The following ERBB4 variants were observed in gnomAD, a reference collection of about 807,000 sequenced individuals.
ERBB4 encodes receptor tyrosine-protein kinase erbB-4.
A neutral mutation model predicts 158.0 loss-of-function variants in ERBB4; 42 were observed. That is an observed-to-expected ratio of 0.27 (90% CI 0.21 to 0.34). ERBB4 has a LOEUF of 0.34. Ranked by LOEUF, ERBB4 falls within the 10% of genes least tolerant of loss-of-function variation. The probability of loss-of-function intolerance (pLI) is 1.00; values close to 1 mark genes in which losing one functional copy is unlikely to be tolerated. For missense variants in ERBB4, 1,333 were observed against 1,624.1 expected, an observed-to-expected ratio of 0.82 and a Z score of 3.08; for synonymous variants, 583 against 558.7, an observed-to-expected ratio of 1.04 and a Z score of -0.61.
intron 3 of ERBB4, among the ~76,000 whole-genome samples, chr2:211,900,829 T>C (rs527637642): frequency 2.2e-4 from 34 of 152,284 alleles, no homozygotes; most frequent in African/African-American, 7.9e-4. Flanking sequence ...ACTCAATTAC[T>C]GAATTTTAAT....
intron 12 of ERBB4, among the ~76,000 whole-genome samples, chr2:211,695,770 TC>T (rs1472061715): frequency 6.6e-6 from 1 of 152,172 alleles, no homozygotes; most frequent in African/African-American, 2.4e-5. Flanking sequence ...TATTTATCTT[TC>T]CTTTTTATCC....
chr2:211,680,532 A>T (rs2072290762), intron 12 of ERBB4, among the ~76,000 whole-genome samples: 1 of 152,194 alleles, frequency 6.6e-6, no homozygotes, highest in African/African-American at 2.4e-5. Flanking sequence ...GTGGGTTGGG[A>T]TGGCACTGAA....
chr2:211,804,591 C>A (rs1278499255), intron 3 of ERBB4, among the ~76,000 whole-genome samples: 1 of 152,104 alleles, frequency 6.6e-6, no homozygotes, highest in Admixed American at 6.5e-5. Flanking sequence ...TGCTCTCAGC[C>A]AGAAGTTGGG....
intron 1 of ERBB4, among the ~76,000 whole-genome samples, chr2:212,376,057 T>A (rs1215187970): frequency 6.6e-6 from 1 of 151,978 alleles, no homozygotes; most frequent in Admixed American, 6.6e-5. Flanking sequence ...GACCAATGAT[T>A]GACAGTAGAA....
intron 20 of ERBB4, among the ~76,000 whole-genome samples, chr2:211,553,943 T>C (rs1483497064): frequency 6.6e-6 from 1 of 152,244 alleles, no homozygotes; most frequent in East Asian, 1.9e-4. Context: ...TCCACAAATA[T>C]TCATCTAGCA....
At chr2:212,170,767 G>T (rs2081491469) in intron 1 of ERBB4, among the ~76,000 whole-genome samples, 1 of 152,178 alleles carries the variant, frequency 6.6e-6, no homozygotes, top group Admixed American at 6.6e-5. Context: ...TGGAAGTCAA[G>T]AATTGAGGTT....
chr2:212,305,562 A>G (rs1310196136), intron 1 of ERBB4, among the ~76,000 whole-genome samples: 1 of 148,958 alleles, frequency 6.7e-6, no homozygotes, highest in Non-Finnish European at 1.5e-5. Context: ...CTACCATGAG[A>G]TGAATCAAAG....
At chr2:212,306,753 T>A (rs1339769205) in intron 1 of ERBB4, among the ~76,000 whole-genome samples, 2 of 151,252 alleles carry the variant, frequency 1.3e-5, no homozygotes, top group Non-Finnish European at 3.0e-5. Flanking sequence ...CTTCTTAAAG[T>A]TTGGATGCAT....
At position 211,907,890 on chromosome 2, in the gene ERBB4, G is replaced by T. The variant is rs559136658; in HGVS notation, c.421+39540C>A. Reference sequence around the variant, plus strand: ...TTTAAGCTAAAAATCATTTTTGGAAGAATTAAAACCTTATGCAAAAAGTTA... The same window carrying T: ...TTTAAGCTAAAAATCATTTTTGGAATAATTAAAACCTTATGCAAAAAGTTA... On this transcript the variant is annotated intron_variant, in intron 3 of 27. Transcript: ENST00000342788. Among the ~76,000 whole-genome samples, 137 of 151,772 alleles carry T rather than the reference G, an allele frequency of 9.0e-4. 1 individual carries two copies. The highest frequency in any genetic ancestry group is 3.1e-3 in the African/African-American group (127 of 41,510).
At chr2:212,085,954 T>C (rs375873080) in intron 2 of ERBB4, among the ~76,000 whole-genome samples, 2 of 151,924 alleles carry the variant, frequency 1.3e-5, no homozygotes, top group African/African-American at 4.8e-5. Flanking sequence ...TAAGAGGATA[T>C]AAAGGCATTC....
chr2:211,866,513 C>A (rs1342814795), intron 3 of ERBB4, among the ~76,000 whole-genome samples: 1 of 152,028 alleles, frequency 6.6e-6, no homozygotes, highest in South Asian at 2.1e-4. Flanking sequence ...GAATTGTCAG[C>A]AAGGAGAAAT....
chr2:211,469,680 C>A (rs1268905927), intron 20 of ERBB4, among the ~76,000 whole-genome samples: 1 of 152,038 alleles, frequency 6.6e-6, no homozygotes, highest in Non-Finnish European at 1.5e-5. Context: ...TTTGCATTGA[C>A]AAACTAGGTG....
At chr2:211,965,863 G>A (rs976752113) in intron 2 of ERBB4, among the ~76,000 whole-genome samples, 6 of 152,094 alleles carry the variant, frequency 3.9e-5, no homozygotes, top group African/African-American at 1.4e-4. Flanking sequence ...AAAGAGGAAA[G>A]GGCAAAGCAT....
chr2:211,882,519 G>A (rs1222722345), intron 3 of ERBB4, among the ~76,000 whole-genome samples: 1 of 152,078 alleles, frequency 6.6e-6, no homozygotes, highest in Non-Finnish European at 1.5e-5. Context: ...TCTCTATAGT[G>A]AGGTTTGTTC....
chr2:211,383,515 ACTACTGGC>A lies in ERBB4; in HGVS notation c.*92_*99del. 1.1e-6 allele frequency: 1 copy of A among 952,090 alleles called. No individual in the cohort carries two copies. The highest frequency in any genetic ancestry group is 1.7e-6 in the Non-Finnish European group (1 of 590,984). The allele number at this position is 952,090 out of a possible 1,614,324, so 59.0% of individuals were successfully genotyped here. A position where few individuals can be genotyped will look rare whatever the true frequency, so the allele number is the denominator to read the frequency against. ...GTATCTTCCACTGGGAAGTGTCAAA[ACTACTGGC>A]CTTGGGGTAGAAGGAAGACCACCAG... On this transcript the variant is annotated 3_prime_UTR_variant, in exon 28 of 28. Coordinates refer to ENST00000342788, the MANE Select transcript of ERBB4 (RefSeq NM_005235.3).
chr2:211,774,640 G>T lies in ERBB4; in HGVS notation c.556+13385C>A, dbSNP rs189517427. 1.7e-3 allele frequency among the ~76,000 whole-genome samples: 254 copies of T among 152,206 alleles called. 1 individual carries two copies. The highest frequency in any genetic ancestry group is 5.8e-3 in the African/African-American group (241 of 41,528). ...CGCGGCTGTTGAACATATGTCACTG[G>T]GCAGGCAGTGCCTCTAATACTGATA... On this transcript the variant is annotated intron_variant, in intron 4 of 27. Transcript: ENST00000342788.
chr2:212,353,376 A>G (rs1459757194), intron 1 of ERBB4, among the ~76,000 whole-genome samples: 1 of 149,804 alleles, frequency 6.7e-6, no homozygotes, highest in Non-Finnish European at 1.5e-5. Context: ...TATTATACAT[A>G]TATGTGCTGT....
intron 1 of ERBB4, among the ~76,000 whole-genome samples, chr2:212,212,709 A>AGG (rs2082975724): frequency 1.3e-5 from 2 of 152,132 alleles, no homozygotes; most frequent in Admixed American, 6.6e-5. Context: ...GGTACTAGTA[A>AGG]CAAAACAGAC....
At chr2:212,370,203 G>A (rs138504594) in intron 1 of ERBB4, among the ~76,000 whole-genome samples, 1 of 152,052 alleles carries the variant, frequency 6.6e-6, no homozygotes, top group East Asian at 1.9e-4. Context: ...GGCTATATAA[G>A]GGGCTTCCCC....
Sources: allele counts gnomAD v4.1 joint callset (sites outside exome capture counted in the v4.1 genomes callset), GRCh38; gene constraint gnomAD v4.1.1; transcripts MANE v1.5; gene names NCBI Gene and HGNC (gene_info 2026-07-23, HGNC 2026-07-21).